NALCN: variants seen among roughly 807,000 people sequenced by gnomAD.
The protein encoded by NALCN is sodium leak channel, non-selective.
NALCN carries 111 observed loss-of-function variants against 225.3 expected under a neutral mutation model. The ratio of observed to expected loss-of-function variants is 0.49; its 90% confidence interval spans 0.42 to 0.58. The LOEUF (loss-of-function observed/expected upper bound fraction) is 0.58. Among genes scored for constraint, NALCN ranks in the 20% least tolerant of loss-of-function variants. The probability of loss-of-function intolerance (pLI) is 0.00; values close to 1 mark genes in which losing one functional copy is unlikely to be tolerated. For missense variants in NALCN, 1,378 were observed against 2,202.4 expected, an observed-to-expected ratio of 0.63 and a Z score of 7.49; for synonymous variants, 764 against 769.0, an observed-to-expected ratio of 0.99 and a Z score of 0.11.
chr13:101,235,481 A>G lies in NALCN; in HGVS notation c.1434+2274T>C, dbSNP rs150526995. ...AGGATATTCTCTATAATTATGTGCA[A>G]TGATGCCCTAAGGTAGGTACTCAAT... On this transcript the variant is annotated intron_variant, in intron 12 of 43. Transcript: ENST00000251127. Among the ~76,000 whole-genome samples the G allele has an allele frequency of 8.7e-3, 1,287 of 148,698 alleles. 10 individuals are homozygous for G. Among genetic ancestry groups the G allele is most frequent in the South Asian group, 0.029 (135 of 4,584 alleles).
intron 15 of NALCN, among the ~76,000 whole-genome samples, chr13:101,171,635 T>A (rs1303565219): frequency 1.3e-5 from 2 of 152,070 alleles, no homozygotes; most frequent in African/African-American, 4.8e-5. Context: ...TTTCATATGG[T>A]TATATGATTG....
chr13:101,258,602 A>T, intron 10 of NALCN, 28 bp from the exon 11 acceptor site: 1 of 1,613,864 alleles, frequency 6.2e-7, no homozygotes, highest in Non-Finnish European at 8.5e-7. Flanking sequence ...ACAGACTCTT[A>T]ACAAAGAAAT....
chr13:101,291,792 C>A (rs922808365), intron 9 of NALCN, among the ~76,000 whole-genome samples, 198 bp downstream of exon 9: 1 of 152,008 alleles, frequency 6.6e-6, no homozygotes, highest in Non-Finnish European at 1.5e-5. Flanking sequence ...TCAAGCAATC[C>A]CTCTCCCTCA....
intron 13 of NALCN, among the ~76,000 whole-genome samples, chr13:101,215,665 A>G (rs748912469): frequency 6.8e-6 from 1 of 147,328 alleles, no homozygotes; most frequent in Non-Finnish European, 1.5e-5. Context: ...ACAGCACTTC[A>G]CAACATGGAG....
At chr13:101,215,617 C>T (rs1291848524) in intron 13 of NALCN, among the ~76,000 whole-genome samples, 1 of 151,994 alleles carries the variant, frequency 6.6e-6, no homozygotes, top group Admixed American at 6.6e-5. Flanking sequence ...ACTGAGAGTC[C>T]TGCTTTCTTG....
intron 1 of NALCN, among the ~76,000 whole-genome samples, chr13:101,399,648 C>T (rs570169466): frequency 4.0e-4 from 61 of 152,216 alleles, no homozygotes; most frequent in African/African-American, 1.4e-3. Context: ...GTTGATCTCC[C>T]AACTTGGGAG....
chr13:101,283,790 G>A (rs533363490), intron 10 of NALCN, 143 bp downstream of exon 10: 227 of 611,500 alleles, frequency 3.7e-4, no homozygotes, highest in Admixed American at 4.2e-4. Flanking sequence ...CCTGGGAATA[G>A]AGGAAGGAGT....
intron 13 of NALCN, among the ~76,000 whole-genome samples, chr13:101,214,732 A>G (rs774245848): frequency 6.6e-5 from 10 of 152,152 alleles, no homozygotes; most frequent in Non-Finnish European, 1.2e-4. Context: ...TGTGTCAGAG[A>G]TAAGGTACAA....
At chr13:101,277,225 T>C (rs2042998698) in intron 10 of NALCN, among the ~76,000 whole-genome samples, 1 of 151,986 alleles carries the variant, frequency 6.6e-6, no homozygotes, top group African/African-American at 2.4e-5. Flanking sequence ...TTATAGTAAC[T>C]GGATGAGGAT....
chr13:101,250,195 A>T (rs1447387492), intron 11 of NALCN, among the ~76,000 whole-genome samples: 1 of 152,154 alleles, frequency 6.6e-6, no homozygotes, highest in African/African-American at 2.4e-5. Flanking sequence ...GCATTGTTGG[A>T]AAACACTAAG....
chr13:101,110,062 G>C (rs1438988016), intron 20 of NALCN, among the ~76,000 whole-genome samples: 1 of 152,078 alleles, frequency 6.6e-6, no homozygotes, highest in Non-Finnish European at 1.5e-5. Flanking sequence ...ACTGCTCCTC[G>C]TTCCTTAAAA....
At chr13:101,349,433 T>G (rs1403341065) in intron 6 of NALCN, among the ~76,000 whole-genome samples, 1 of 152,144 alleles carries the variant, frequency 6.6e-6, no homozygotes, top group Non-Finnish European at 1.5e-5. Flanking sequence ...AAAAGGGAAC[T>G]AAAGTTATAG....
At chr13:101,308,294 A>T (rs1440974611) in intron 7 of NALCN, among the ~76,000 whole-genome samples, 1 of 152,144 alleles carries the variant, frequency 6.6e-6, no homozygotes, top group Non-Finnish European at 1.5e-5. Flanking sequence ...TCCTGCAAGG[A>T]GTTGTGGCCT....
At chr13:101,123,161 T>A (rs2036062333) in intron 18 of NALCN, among the ~76,000 whole-genome samples, 1 of 152,254 alleles carries the variant, frequency 6.6e-6, no homozygotes, top group Non-Finnish European at 1.5e-5. Flanking sequence ...TGTTTCTGCA[T>A]CTGCCTTGGA....
At chr13:101,206,729 T>A (rs946076965) in intron 13 of NALCN, among the ~76,000 whole-genome samples, 1 of 73,742 alleles carries the variant, frequency 1.4e-5, no homozygotes, top group Non-Finnish European at 4.0e-5. Context: ...GTTTTTTAAA[T>A]ATATATATAT....
At chr13:101,301,808 T>C (rs2139099166) in intron 7 of NALCN, among the ~76,000 whole-genome samples, 1 of 151,972 alleles carries the variant, frequency 6.6e-6, no homozygotes, top group African/African-American at 2.4e-5. Context: ...AACATTCCAG[T>C]CATCCATTAC....
intron 7 of NALCN, among the ~76,000 whole-genome samples, chr13:101,311,991 G>A (rs1439768395): frequency 5.3e-5 from 8 of 151,114 alleles, no homozygotes; most frequent in East Asian, 2.1e-4. Context: ...ATCTGGTCCC[G>A]GACTTTTTTT....
At chr13:101,221,153 AT>A (rs57875788) in intron 13 of NALCN, among the ~76,000 whole-genome samples, 41,818 of 148,990 alleles carry the variant, frequency 0.28, 6,643 homozygotes, top group Non-Finnish European at 0.37. Flanking sequence ...GTCCTTTTGA[AT>A]TTTTTTTTTT....
At chr13:101,259,804 A>G (rs1430443956) in intron 10 of NALCN, among the ~76,000 whole-genome samples, 1 of 149,178 alleles carries the variant, frequency 6.7e-6, no homozygotes, top group Non-Finnish European at 1.5e-5. Flanking sequence ...GGAGTACACA[A>G]GATGTTTTGA....
Sources: allele counts gnomAD v4.1 joint callset (sites outside exome capture counted in the v4.1 genomes callset), GRCh38; gene constraint gnomAD v4.1.1; transcripts MANE v1.5; gene names NCBI Gene and HGNC (gene_info 2026-07-23, HGNC 2026-07-21).